RNF125: variants seen among roughly 807,000 people sequenced by gnomAD.
RNF125 encodes E3 ubiquitin-protein ligase RNF125.
In RNF125, 21 loss-of-function variants were observed where a neutral mutation model predicts 26.0. That is an observed-to-expected ratio of 0.81 (90% confidence interval 0.57 to 1.16). The LOEUF is 1.16. Among genes scored for constraint, RNF125 ranks in the 50% most tolerant of loss-of-function variants. RNF125 has a pLI of 0.00. For missense variants in RNF125, 270 were observed against 299.4 expected (o/e 0.90, Z 0.72); for synonymous variants, 95 against 109.2 (o/e 0.87, Z 0.81).
chr18:32,046,533 C>T (rs2039273461), intron 4 of RNF125, among the ~76,000 whole-genome samples: 1 of 143,458 alleles, frequency 7.0e-6, no homozygotes. Context: ...GGAGGCGGAG[C>T]TTGCAGTGAG....
At chr18:32,079,920 T>C in the RNF125 span, among the ~76,000 whole-genome samples, 3 of 152,248 alleles carry the variant, frequency 2.0e-5, no homozygotes, top group African/African-American at 7.2e-5. Context: ...TGTTACAGTG[T>C]AGTAATCTGC....
intron 1 of RNF125, among the ~76,000 whole-genome samples, chr18:32,024,638 C>T (rs1031032386): frequency 1.3e-5 from 2 of 152,120 alleles, no homozygotes; most frequent in Non-Finnish European, 2.9e-5. Flanking sequence ...ACAGGGTCTG[C>T]CTATGTTGCC....
chr18:32,087,768 T>C, the RNF125 span, among the ~76,000 whole-genome samples: 1 of 152,114 alleles, frequency 6.6e-6, no homozygotes, highest in Non-Finnish European at 1.5e-5. Flanking sequence ...AAAAAGAGCA[T>C]GGTCTTAATC....
chr18:32,077,518 C>T (rs937192272), downstream of RNF125, among the ~76,000 whole-genome samples: 7 of 151,676 alleles, frequency 4.6e-5, no homozygotes, highest in African/African-American at 7.3e-5. Context: ...TGTATCACTA[C>T]GCTCAGCTAA....
intron 1 of RNF125, among the ~76,000 whole-genome samples, chr18:32,019,572 G>A (rs1273342892): frequency 6.6e-6 from 1 of 152,188 alleles, no homozygotes; most frequent in Admixed American, 6.5e-5. Context: ...AAGGATCTGT[G>A]CAAAGTGTCT....
At chr18:32,063,227 C>CAAA (rs34268640) in intron 4 of RNF125, among the ~76,000 whole-genome samples, 9 of 98,914 alleles carry the variant, frequency 9.1e-5, no homozygotes, top group African/African-American at 2.2e-4. Flanking sequence ...AACTCCATTT[C>CAAA]AAAAAAAAAA....
At chr18:32,040,991 C>G (rs1456082432) in intron 2 of RNF125, among the ~76,000 whole-genome samples, 1 of 152,122 alleles carries the variant, frequency 6.6e-6, no homozygotes, top group Non-Finnish European at 1.5e-5. Context: ...TATTTTTGCC[C>G]TTTGTTAAAC....
chr18:32,033,282 TCTC>T (rs893410217), intron 1 of RNF125, among the ~76,000 whole-genome samples: 107 of 152,216 alleles, frequency 7.0e-4, no homozygotes, highest in African/African-American at 2.3e-3. Flanking sequence ...GGGAATCCCT[TCTC>T]CTGGGAGCCA....
At chr18:32,034,072 GCA>G (rs1293325404) in intron 1 of RNF125, among the ~76,000 whole-genome samples, 1 of 152,052 alleles carries the variant, frequency 6.6e-6, no homozygotes. Flanking sequence ...TATCACAGAT[GCA>G]CACACTTGAC....
At chr18:32,031,006 G>A (rs1235619393) in intron 1 of RNF125, 1 of 152,136 alleles carries the variant, frequency 6.6e-6, no homozygotes, top group East Asian at 1.9e-4. Flanking sequence ...GCCCACTCCT[G>A]TGATAACGGC....
chr18:32,059,317 C>A (rs112459566), intron 4 of RNF125, among the ~76,000 whole-genome samples: 2,141 of 152,250 alleles, frequency 0.014, 22 homozygotes, highest in Non-Finnish European at 0.023. Context: ...AACCATTTTA[C>A]CTGCGGTGAG....
chr18:32,080,285 T>C, the RNF125 span, among the ~76,000 whole-genome samples: 2 of 152,218 alleles, frequency 1.3e-5, no homozygotes, highest in Non-Finnish European at 2.9e-5. Context: ...CACCTCGGCC[T>C]CTCAAAATGC....
At chr18:32,038,043 A>ATTTTTTT (rs35226765) in intron 2 of RNF125, among the ~76,000 whole-genome samples, 4 of 103,396 alleles carry the variant, frequency 3.9e-5, no homozygotes, top group African/African-American at 3.9e-5. Context: ...GGTCCGTGCC[A>ATTTTTTT]TTTTTTTTTT....
chr18:32,036,076 C>T (rs1038586439), intron 1 of RNF125, among the ~76,000 whole-genome samples: 2 of 151,214 alleles, frequency 1.3e-5, no homozygotes, highest in Non-Finnish European at 2.9e-5. Context: ...ATTGCTTGAA[C>T]CCAGGAGGTG....
chr18:32,019,281 T>G (rs1007332810), intron 1 of RNF125, among the ~76,000 whole-genome samples: 30 of 152,202 alleles, frequency 2.0e-4, no homozygotes, highest in African/African-American at 7.2e-4. Context: ...GAAGCCCAGG[T>G]GCGGAACTCC....
chr18:32,037,564 C>T (rs772227128), intron 2 of RNF125, among the ~76,000 whole-genome samples: 7 of 151,688 alleles, frequency 4.6e-5, no homozygotes, highest in South Asian at 2.1e-4. Context: ...AGTAGAGACA[C>T]GGTTTCACTA....
At chr18:32,051,024 C>T (rs961282392) in intron 4 of RNF125, among the ~76,000 whole-genome samples, 4 of 151,454 alleles carry the variant, frequency 2.6e-5, no homozygotes, top group African/African-American at 9.7e-5. Context: ...CGCCTGGCCT[C>T]AAAGTTCTCT....
chr18:32,072,441 T>C lies in RNF125; in HGVS notation c.*4057T>C, dbSNP rs1026046408. ...CTATAAAACTTGAAAAAGTTAAAAA[T>C]TGTATGTCGGATAAAGCTTTAAGTC... is the stretch of plus-strand genomic sequence containing the variant. On this transcript the variant is annotated 3_prime_UTR_variant, in exon 6 of 6. Transcript: ENST00000217740. 6.6e-6 allele frequency: 1 copy of C among 152,156 alleles called. No individual in the cohort carries two copies. The highest frequency in any genetic ancestry group is 2.4e-5 in the African/African-American group (1 of 41,444). The allele number at this position is 152,156 out of a possible 1,614,324, so 9.4% of individuals were successfully genotyped here.
At chr18:32,037,364 CTT>C (rs796828237) in intron 2 of RNF125, 95 bp downstream of exon 2, 15,502 of 130,748 alleles carry the variant, frequency 0.12, 134 homozygotes, top group Non-Finnish European at 0.13. Flanking sequence ...TGGTACGCAC[CTT>C]TTTTTTTTTT....
Sources: allele counts gnomAD v4.1 joint callset (sites outside exome capture counted in the v4.1 genomes callset), GRCh38; gene constraint gnomAD v4.1.1; transcripts MANE v1.5; gene names NCBI Gene and HGNC (gene_info 2026-07-23, HGNC 2026-07-21).